Variants in CERKL observed in about 807,000 individuals in gnomAD.
CERKL encodes CERK like autophagy regulator.
In CERKL, 61 loss-of-function variants were observed where a neutral mutation model predicts 63.4. That is an observed-to-expected ratio of 0.96 (90% CI 0.78 to 1.19). The LOEUF (loss-of-function observed/expected upper bound fraction) is 1.19. CERKL is among the 50% of genes most tolerant of loss of function. The probability of loss-of-function intolerance (pLI) is 0.00; values close to 1 mark genes in which losing one functional copy is unlikely to be tolerated. For missense variants in CERKL, 675 were observed against 655.5 expected (o/e 1.03, Z -0.33); for synonymous variants, 250 against 230.5 (o/e 1.08, Z -0.77).
At chr2:181,640,965 G>C (rs1299934832) in intron 1 of CERKL, among the ~76,000 whole-genome samples, 1 of 152,212 alleles carries the variant, frequency 6.6e-6, no homozygotes. Context: ...GTCCACAAAA[G>C]TAGATCAGTT....
chr2:181,538,229 A>C lies in CERKL; in HGVS notation c.1554T>G (p.Leu518=). The change falls in exon 13 of 13, where the codon CTT becomes CTG. Residue 518 remains leucine, a synonymous_variant. Transcript: ENST00000410087. ...CCATGCTTCCTCCATAAAGACTGAT[A>C]AGTCTTGGATGCAATCTGTAAAGAA... ...SEVHIRLHPR[L]ISLYGGSMEE... 2.5e-6 allele frequency: 4 copies of C among 1,584,928 alleles called. No homozygotes were observed. The highest frequency in any genetic ancestry group is 2.2e-5 in the East Asian group (1 of 44,710).
Position 181,537,066 on chromosome 2 carries a change from C to T in CERKL, c.*1118G>A, listed in dbSNP as rs1388682268. ...TGAGTAGTGAAATGTAAGCACAAAA[C>T]CTCCTGAACCCAGAGTGTGTATACA... On this transcript the variant is annotated 3_prime_UTR_variant, in exon 13 of 13. Transcript: ENST00000410087. The T allele has an allele frequency of 4.5e-6, 2 of 444,286 alleles. No individual in the cohort carries two copies. The highest frequency in any genetic ancestry group is 9.0e-6 in the Non-Finnish European group (2 of 221,794). The allele number at this position is 444,286 out of a possible 1,614,324, so 27.5% of individuals were successfully genotyped here. A position where few individuals can be genotyped will look rare whatever the true frequency, so the allele number is the denominator to read the frequency against.
At chr2:181,541,065 C>T (rs1449438543) in intron 11 of CERKL, among the ~76,000 whole-genome samples, 1 of 152,202 alleles carries the variant, frequency 6.6e-6, no homozygotes, top group Non-Finnish European at 1.5e-5. Flanking sequence ...CCCTCAAATT[C>T]CTGTATTGAA....
At chr2:181,641,576 A>C (rs1354837967) in intron 1 of CERKL, among the ~76,000 whole-genome samples, 2 of 151,996 alleles carry the variant, frequency 1.3e-5, no homozygotes, top group Non-Finnish European at 2.9e-5. Flanking sequence ...TTGCATAACC[A>C]TATCAGTTCT....
At chr2:181,596,884 T>A (rs1685236028) in intron 2 of CERKL, among the ~76,000 whole-genome samples, 2 of 152,178 alleles carry the variant, frequency 1.3e-5, no homozygotes, top group African/African-American at 4.8e-5. Flanking sequence ...GACTCAGGAA[T>A]AAGTCCTAAG....
intron 2 of CERKL, among the ~76,000 whole-genome samples, chr2:181,597,785 C>G (rs1685281926): frequency 6.6e-6 from 1 of 152,150 alleles, no homozygotes; most frequent in African/African-American, 2.4e-5. Context: ...AGCACCAGAT[C>G]CCCAGCAAAC....
intron 1 of CERKL, among the ~76,000 whole-genome samples, chr2:181,650,926 T>C (rs1027180148): frequency 1.3e-5 from 2 of 152,146 alleles, no homozygotes; most frequent in African/African-American, 4.8e-5. Flanking sequence ...TTCATCAAAT[T>C]TGATAACATA....
intron 10 of CERKL, among the ~76,000 whole-genome samples, chr2:181,546,796 T>C (rs1687743718): frequency 6.6e-6 from 1 of 152,154 alleles, no homozygotes; most frequent in Non-Finnish European, 1.5e-5. Flanking sequence ...CAATTGAAAA[T>C]GTGGGCAGGA....
chr2:181,607,663 G>A (rs1259904659), intron 1 of CERKL, among the ~76,000 whole-genome samples: 1 of 152,162 alleles, frequency 6.6e-6, no homozygotes, highest in Admixed American at 6.5e-5. Context: ...GAGCAAGTAG[G>A]CTTATGGCCA....
At chr2:181,603,558 G>T (rs899757878) in intron 2 of CERKL, among the ~76,000 whole-genome samples, 1 of 152,076 alleles carries the variant, frequency 6.6e-6, no homozygotes, top group African/African-American at 2.4e-5. Flanking sequence ...TATACACCAT[G>T]GCCATTGGGG....
chr2:181,620,593 T>C (rs925636883), intron 1 of CERKL, among the ~76,000 whole-genome samples: 1 of 152,204 alleles, frequency 6.6e-6, no homozygotes. Context: ...GAAGAAACTT[T>C]ACCTGAGAGA....
At chr2:181,596,826 T>C (rs1472005664) in intron 2 of CERKL, among the ~76,000 whole-genome samples, 1 of 152,170 alleles carries the variant, frequency 6.6e-6, no homozygotes, top group Non-Finnish European at 1.5e-5. Flanking sequence ...AGAAAGCCCA[T>C]GCCTGGAACC....
intron 1 of CERKL, among the ~76,000 whole-genome samples, chr2:181,651,147 A>C (rs111443332): frequency 4.6e-5 from 7 of 152,352 alleles, no homozygotes; most frequent in African/African-American, 1.2e-4. Context: ...AGAAAACTGA[A>C]GCAAAGGGAA....
chr2:181,640,729 C>T (rs375065533), intron 1 of CERKL, among the ~76,000 whole-genome samples: 2 of 152,228 alleles, frequency 1.3e-5, no homozygotes, highest in African/African-American at 4.8e-5. Flanking sequence ...TTCTCTATTC[C>T]TTTAGCTTTG....
At chr2:181,655,298 T>C (rs114912545) in intron 1 of CERKL, among the ~76,000 whole-genome samples, 2,219 of 152,338 alleles carry the variant, frequency 0.015, 63 homozygotes, top group African/African-American at 0.05. Flanking sequence ...TGTACACAAA[T>C]ACTGCAACAT....
intron 1 of CERKL, among the ~76,000 whole-genome samples, chr2:181,615,289 C>T (rs12464976): frequency 0.026 from 3,989 of 152,234 alleles, 99 homozygotes; most frequent in East Asian, 0.11. Context: ...AGGTTACTTA[C>T]GGTGGTTAAT....
intron 1 of CERKL, among the ~76,000 whole-genome samples, chr2:181,643,544 C>A (rs1295274692): frequency 6.6e-6 from 1 of 152,174 alleles, no homozygotes; most frequent in Non-Finnish European, 1.5e-5. Flanking sequence ...GGAAACAGAG[C>A]ATATCAGAGT....
intron 2 of CERKL, among the ~76,000 whole-genome samples, chr2:181,590,345 G>A (rs994157882): frequency 7.3e-5 from 11 of 151,132 alleles, no homozygotes; most frequent in African/African-American, 2.4e-4. Flanking sequence ...TCACTGTGTT[G>A]GTCAGGCTGG....
chr2:181,638,428 A>G (rs1243326361), intron 1 of CERKL, among the ~76,000 whole-genome samples: 1 of 152,238 alleles, frequency 6.6e-6, no homozygotes, highest in Non-Finnish European at 1.5e-5. Context: ...AGAACTCAGA[A>G]GTCAAGATGA....
Sources: allele counts gnomAD v4.1 joint callset (sites outside exome capture counted in the v4.1 genomes callset), GRCh38; gene constraint gnomAD v4.1.1; transcripts MANE v1.5; gene names NCBI Gene and HGNC (gene_info 2026-07-23, HGNC 2026-07-21).